Variants in TCEA3 observed in about 807,000 individuals in gnomAD.
TCEA3 encodes transcription elongation factor A protein 3.
TCEA3 carries 36 observed loss-of-function variants against 44.0 expected under a neutral mutation model. The ratio of observed to expected loss-of-function variants is 0.82; its 90% CI spans 0.63 to 1.08. TCEA3 has a LOEUF of 1.08. TCEA3 is among the 50% of genes least tolerant of loss of function. The pLI is 0.00. For missense variants in TCEA3, 392 were observed against 441.2 expected, an observed-to-expected ratio of 0.89 and a Z score of 1.00; for synonymous variants, 162 against 159.7, an observed-to-expected ratio of 1.01 and a Z score of -0.11.
At chr1:23,392,533 C>T (rs1430846868) in intron 8 of TCEA3, among the ~76,000 whole-genome samples, 3 of 113,554 alleles carry the variant, frequency 2.6e-5, no homozygotes, top group African/African-American at 3.4e-5. Flanking sequence ...ATATTCCACA[C>T]ATCATACACG....
chr1:23,414,089 T>C (rs1356868239), intron 4 of TCEA3, among the ~76,000 whole-genome samples: 1 of 151,542 alleles, frequency 6.6e-6, no homozygotes, highest in East Asian at 1.9e-4. Context: ...TTTTACTTTA[T>C]TTTATTTTAT....
intron 5 of TCEA3, among the ~76,000 whole-genome samples, chr1:23,402,923 C>T (rs550781922): frequency 1.3e-5 from 2 of 152,020 alleles, no homozygotes; most frequent in African/African-American, 4.8e-5. Flanking sequence ...AGAGGGTCCC[C>T]CAGGGCTGAA....
At chr1:23,387,188 C>T in intron 9 of TCEA3, 85 bp downstream of exon 9, 1 of 1,525,012 alleles carries the variant, frequency 6.6e-7, no homozygotes, top group Non-Finnish European at 8.8e-7. Flanking sequence ...TCCCCTCTGG[C>T]TCTTCCCTAA....
intron 8 of TCEA3, among the ~76,000 whole-genome samples, chr1:23,387,881 G>A (rs140634667): frequency 4.3e-4 from 65 of 152,150 alleles, no homozygotes; most frequent in African/African-American, 1.4e-3. Flanking sequence ...GAACCTTGGC[G>A]CAACTACCCA....
intron 8 of TCEA3, among the ~76,000 whole-genome samples, chr1:23,393,455 T>C (rs889612505): frequency 2.6e-5 from 4 of 151,842 alleles, no homozygotes; most frequent in African/African-American, 9.7e-5. Context: ...TCACACATCA[T>C]ACGTACCACA....
At chr1:23,410,474 G>A (rs1348206725) in intron 4 of TCEA3, among the ~76,000 whole-genome samples, 1 of 152,068 alleles carries the variant, frequency 6.6e-6, no homozygotes, top group Non-Finnish European at 1.5e-5. Context: ...ACTAGAGCTA[G>A]AGCATCAGGA....
chr1:23,413,666 T>C lies in TCEA3; in HGVS notation c.380+3583A>G, dbSNP rs559430964. 3.9e-5 allele frequency among the ~76,000 whole-genome samples: 6 copies of C among 152,256 alleles called. No homozygotes were observed. The East Asian group carries it at 1.2e-3, about 29-fold the overall frequency. On this transcript the variant is annotated intron_variant, in intron 4 of 10. Coordinates refer to ENST00000450454, the MANE Select transcript of TCEA3 (RefSeq NM_003196.3). ...CCAGGCTGGTCTTGAACTCCTGACC[T>C]CAAGTGATCTGCCCGCCTTGGCCTC...
intron 9 of TCEA3, among the ~76,000 whole-genome samples, chr1:23,387,041 T>TG (rs1198582690): frequency 1.3e-5 from 2 of 151,978 alleles, no homozygotes; most frequent in Non-Finnish European, 1.5e-5. Context: ...TTAGTAGAGA[T>TG]GGGGTTTCAC....
chr1:23,384,485 C>T (rs906593945), intron 9 of TCEA3, 68 bp from the exon 10 acceptor site: 3 of 1,535,856 alleles, frequency 2.0e-6, no homozygotes, highest in African/African-American at 2.7e-5. Context: ...CTCCCACTGT[C>T]TTTAGGAGTA....
intron 5 of TCEA3, among the ~76,000 whole-genome samples, chr1:23,400,972 G>C (rs1023713674): frequency 2.6e-5 from 4 of 152,184 alleles, no homozygotes; most frequent in Admixed American, 2.0e-4. Context: ...AGAGGATTCT[G>C]GACTTCTGAC....
chr1:23,411,798 C>A (rs1318538438), intron 4 of TCEA3, among the ~76,000 whole-genome samples: 3 of 152,220 alleles, frequency 2.0e-5, no homozygotes, highest in Non-Finnish European at 4.4e-5. Flanking sequence ...CTTTCCCTGA[C>A]TTCTTAAGCA....
chr1:23,387,560 G>T (rs1638887346), intron 8 of TCEA3, 141 bp from the exon 9 acceptor site: 1 of 1,058,764 alleles, frequency 9.4e-7, no homozygotes, highest in Non-Finnish European at 1.3e-6. Flanking sequence ...CTGGATTCCG[G>T]GTCCTGCCCC....
rs1449250195 is a variant in TCEA3 at position 23,424,728 on chromosome 1, C to A, written c.-95G>T. 1.1e-6 allele frequency: 1 copy of A among 946,648 alleles called. No homozygotes were observed. Among genetic ancestry groups the A allele is most frequent in the Non-Finnish European group, 1.6e-6 (1 of 624,806 alleles). The allele number at this position is 946,648 out of a possible 1,614,324, so 58.6% of individuals were successfully genotyped here. ...GAAGGCGGAGGGCGCGCAACCCGCG[C>A]GGGCCCCAAACACACACGACACACA... On this transcript the variant is annotated 5_prime_UTR_variant, in exon 1 of 11. Coordinates refer to ENST00000450454, the MANE Select transcript of TCEA3 (RefSeq NM_003196.3).
intron 4 of TCEA3, among the ~76,000 whole-genome samples, chr1:23,414,071 ATATTTTATTTTACTT>A (rs1407957745): frequency 1.3e-5 from 2 of 150,432 alleles, no homozygotes; most frequent in South Asian, 2.1e-4. Flanking sequence ...ATAATAAATG[ATATTTTATTTTACTT>A]TATTTTATTT....
intron 7 of TCEA3, 126 bp from the exon 8 acceptor site, chr1:23,394,159 C>T: frequency 5.1e-6 from 6 of 1,172,366 alleles, no homozygotes; most frequent in Non-Finnish European, 7.0e-6. Flanking sequence ...AGTTGGGCCC[C>T]TCTTTTGTGA....
chr1:23,408,705 C>T lies in TCEA3; in HGVS notation c.402G>A (p.Lys134=). 1 of 1,611,024 alleles carries T rather than the reference C, an allele frequency of 6.2e-7. No homozygotes were observed. Among genetic ancestry groups the T allele is most frequent in the Non-Finnish European group, 8.5e-7 (1 of 1,178,764 alleles). The change falls in exon 5 of 11, where the codon AAG becomes AAA. Residue 134 remains lysine, a synonymous_variant. Transcript: ENST00000450454. The part of the protein sequence containing the change: ...PKTRRDSVDS[K]SSASSSPKRP... ...TTTTTGGAGAGGAGGAGGCAGAAGA[C>T]TTGGAGTCCACAGAGTCTCTCCTGA...
intron 5 of TCEA3, among the ~76,000 whole-genome samples, chr1:23,406,761 C>A (rs771313943): frequency 6.6e-6 from 1 of 152,098 alleles, no homozygotes. Context: ...ATTCTTTTGC[C>A]TCAGCCTCCT....
At chr1:23,407,987 G>A (rs1014836441) in intron 5 of TCEA3, among the ~76,000 whole-genome samples, 3 of 151,434 alleles carry the variant, frequency 2.0e-5, no homozygotes, top group Non-Finnish European at 2.9e-5. Flanking sequence ...TTTGAGATGG[G>A]GTCTCACTCT....
At chr1:23,383,054 C>A (rs956202809) in intron 10 of TCEA3, among the ~76,000 whole-genome samples, 1 of 152,040 alleles carries the variant, frequency 6.6e-6, no homozygotes, top group African/African-American at 2.4e-5. Context: ...CCGAGGCGGG[C>A]GGATCACGAG....
Sources: allele counts gnomAD v4.1 joint callset (sites outside exome capture counted in the v4.1 genomes callset), GRCh38; gene constraint gnomAD v4.1.1; transcripts MANE v1.5; gene names NCBI Gene and HGNC (gene_info 2026-07-23, HGNC 2026-07-21).